The following MED15 variants were observed in gnomAD, a reference collection of about 807,000 sequenced individuals.
MED15 encodes the protein mediator complex subunit 15.
MED15 carries 41 observed loss-of-function variants against 118.7 expected under a neutral mutation model. The observed-to-expected ratio is 0.35, with a 90% CI of 0.27 to 0.45. MED15 has a LOEUF of 0.45. Among genes scored for constraint, MED15 ranks in the 20% least tolerant of loss-of-function variants. MED15 has a pLI of 1.00. For synonymous variants in MED15, 436 were observed against 413.9 expected (o/e 1.05, Z -0.65); for missense variants, 740 against 1,025.5 (o/e 0.72, Z 3.80).
chr22:20,579,967 C>T (rs1013511784), intron 9 of MED15, among the ~76,000 whole-genome samples: 3 of 152,122 alleles, frequency 2.0e-5, no homozygotes, highest in Non-Finnish European at 4.4e-5. Flanking sequence ...GTTGTGTCTT[C>T]AGATGAGTCT....
intron 1 of MED15, among the ~76,000 whole-genome samples, chr22:20,525,438 C>T (rs1392671644): frequency 6.6e-6 from 1 of 151,728 alleles, no homozygotes; most frequent in Non-Finnish European, 1.5e-5. Flanking sequence ...GTCTTGAACT[C>T]CTGGCCTCTC....
chr22:20,559,141 A>G (rs947702646), intron 5 of MED15, among the ~76,000 whole-genome samples: 8 of 152,132 alleles, frequency 5.3e-5, no homozygotes, highest in African/African-American at 1.9e-4. Context: ...GGGGGATAGA[A>G]CGAGACACCA....
intron 5 of MED15, among the ~76,000 whole-genome samples, chr22:20,555,511 C>T (rs775359556): frequency 2.6e-5 from 4 of 152,324 alleles, no homozygotes; most frequent in East Asian, 1.9e-4. Flanking sequence ...ACTGTCTGCC[C>T]GAGCTCTGGG....
chr22:20,551,760 A>T (rs1327177557), intron 3 of MED15: 1 of 510,262 alleles, frequency 2.0e-6, no homozygotes, highest in African/African-American at 1.9e-5. Flanking sequence ...TTGCTCACTT[A>T]ATCTCCCTTT....
intron 2 of MED15, among the ~76,000 whole-genome samples, chr22:20,547,510 C>T (rs942868976): frequency 2.0e-5 from 3 of 152,138 alleles, no homozygotes; most frequent in Admixed American, 6.6e-5. Flanking sequence ...ATGGCAAAAC[C>T]GTGTCTCTCC....
intron 1 of MED15, among the ~76,000 whole-genome samples, chr22:20,528,587 G>T (rs889946244): frequency 6.6e-6 from 1 of 152,166 alleles, no homozygotes; most frequent in Non-Finnish European, 1.5e-5. Context: ...ACAGCCCACA[G>T]ACCTGTACTG....
chr22:20,575,594 G>A (rs984054530), intron 9 of MED15, among the ~76,000 whole-genome samples: 5 of 151,936 alleles, frequency 3.3e-5, no homozygotes, highest in Non-Finnish European at 5.9e-5. Context: ...AAATTAGGCC[G>A]GGCACAGGGG....
intron 3 of MED15, chr22:20,551,856 C>G (rs998836895): frequency 3.4e-6 from 1 of 296,842 alleles, no homozygotes. Context: ...TTTATTGACC[C>G]ATGGAGGCCA....
At position 20,539,778 on chromosome 22, in the gene MED15, G is replaced by A. The variant is rs537930067; in HGVS notation, c.156+2574G>A. Among the ~76,000 whole-genome samples the A allele has an allele frequency of 2.0e-5, 3 of 152,228 alleles. No individual in the cohort carries two copies. The South Asian group carries it at 6.2e-4, about 32-fold the overall frequency. ...TATTTTAATTGTAGCCATTATAATG[G>A]GTGTGATTTGCATTGTTTTGATCTG... is the stretch of plus-strand genomic sequence containing the variant. On this transcript the variant is annotated intron_variant, in intron 2 of 17. Transcript: ENST00000263205.
At chr22:20,586,425 A>G (rs2057137024) in intron 17 of MED15, 143 bp from the exon 18 acceptor site, 1 of 1,245,560 alleles carries the variant, frequency 8.0e-7, no homozygotes, top group Non-Finnish European at 1.1e-6. Flanking sequence ...GGAGAGCCCA[A>G]AGGCCGGGCA....
rs186349917 is a variant in MED15 at position 20,547,500 on chromosome 22, A to G, written c.157-3936A>G. On this transcript the variant is annotated intron_variant, in intron 2 of 17. Transcript: ENST00000263205. ...CTGAGCAAAAGACAAGCCGGCCAACATGGCAAAACCGTGTCTCTCCAAAAA... is the reference window on the plus strand; with the variant it reads ...CTGAGCAAAAGACAAGCCGGCCAACGTGGCAAAACCGTGTCTCTCCAAAAA... Among the ~76,000 whole-genome samples the G allele has an allele frequency of 1.0e-3, 159 of 152,306 alleles. 1 individual carries two copies. The East Asian group carries it at 0.025, about 24-fold the overall frequency.
At chr22:20,566,350 T>C in intron 6 of MED15, 117 bp from the exon 7 acceptor site, 1 of 1,532,586 alleles carries the variant, frequency 6.5e-7, no homozygotes, top group Admixed American at 1.8e-5. Flanking sequence ...AGGAAGGCTT[T>C]CTTGATGGCT....
chr22:20,584,483 A>G, intron 14 of MED15, 58 bp downstream of exon 14: 1 of 1,580,956 alleles, frequency 6.3e-7, no homozygotes, highest in South Asian at 1.1e-5. Flanking sequence ...AGCTCCTGGG[A>G]GTGCTGCTGA....
intron 1 of MED15, among the ~76,000 whole-genome samples, chr22:20,511,848 G>C (rs1299414975): frequency 6.6e-6 from 1 of 152,068 alleles, no homozygotes; most frequent in Non-Finnish European, 1.5e-5. Flanking sequence ...AGAACAATCA[G>C]TGACTTTTCT....
chr22:20,568,850 G>A (rs548912611), intron 8 of MED15, among the ~76,000 whole-genome samples: 15 of 152,298 alleles, frequency 9.8e-5, no homozygotes, highest in African/African-American at 2.6e-4. Context: ...CGCATAGTGC[G>A]TGTCGTTTCC....
chr22:20,522,860 G>A (rs1472889521), intron 1 of MED15: 1 of 152,358 alleles, frequency 6.6e-6, no homozygotes, highest in Non-Finnish European at 1.5e-5. Context: ...GTGGTGGGCA[G>A]AGCAGATGTG....
intron 1 of MED15, chr22:20,508,530 C>T: frequency 1.5e-6 from 1 of 645,396 alleles, no homozygotes; most frequent in Non-Finnish European, 2.3e-6. Context: ...GGGGTGGGGT[C>T]GTTTTATAGG....
chr22:20,542,183 A>G (rs1223050348), intron 2 of MED15, among the ~76,000 whole-genome samples: 1 of 152,226 alleles, frequency 6.6e-6, no homozygotes, highest in African/African-American at 2.4e-5. Flanking sequence ...AATTGAATGT[A>G]GAGTTACCAT....
At chr22:20,519,724 G>T (rs1168916688) in intron 1 of MED15, among the ~76,000 whole-genome samples, 4 of 152,136 alleles carry the variant, frequency 2.6e-5, no homozygotes, top group Non-Finnish European at 5.9e-5. Flanking sequence ...CACAGTGCTG[G>T]GATTACAGGC....
Sources: allele counts gnomAD v4.1 joint callset (sites outside exome capture counted in the v4.1 genomes callset), GRCh38; gene constraint gnomAD v4.1.1; transcripts MANE v1.5; gene names NCBI Gene and HGNC (gene_info 2026-07-23, HGNC 2026-07-21).